TMEM150C: variants seen among roughly 807,000 people sequenced by gnomAD.
TMEM150C encodes the protein tentonin 3.
TMEM150C carries 10 observed loss-of-function variants against 29.9 expected under a neutral mutation model. The observed-to-expected ratio is 0.33, with a 90% confidence interval of 0.21 to 0.57. TMEM150C has a LOEUF of 0.57. TMEM150C is among the 20% of genes least tolerant of loss of function. The pLI is 0.88. For missense variants in TMEM150C, 251 were observed against 303.6 expected (o/e 0.83, Z 1.29); for synonymous variants, 101 against 112.5 (o/e 0.90, Z 0.64).
At chr4:82,544,710 TAGAGG>T (rs1725302857) in intron 1 of TMEM150C, among the ~76,000 whole-genome samples, 1 of 149,562 alleles carries the variant, frequency 6.7e-6, no homozygotes, top group African/African-American at 2.6e-5. Flanking sequence ...GCCAGGCAGG[TAGAGG>T]CTGCAGTGAG....
intron 1 of TMEM150C, among the ~76,000 whole-genome samples, chr4:82,522,090 C>A (rs1560490601): frequency 1.3e-5 from 2 of 152,134 alleles, no homozygotes; most frequent in Non-Finnish European, 2.9e-5. Context: ...TTTGTTTGCT[C>A]TTTGTTTATG....
intron 1 of TMEM150C, among the ~76,000 whole-genome samples, chr4:82,508,717 T>C (rs1423302570): frequency 6.6e-6 from 1 of 152,106 alleles, no homozygotes. Context: ...CAACCTGCCT[T>C]GGCCTCCCAA....
intron 1 of TMEM150C, among the ~76,000 whole-genome samples, chr4:82,514,320 T>G (rs1021867335): frequency 1.3e-5 from 2 of 152,256 alleles, no homozygotes; most frequent in African/African-American, 4.8e-5. Flanking sequence ...GTTTTAATTG[T>G]GTTTTTCTGC....
intron 1 of TMEM150C, among the ~76,000 whole-genome samples, chr4:82,558,610 T>C (rs1725816513): frequency 6.7e-6 from 1 of 149,692 alleles, no homozygotes; most frequent in Non-Finnish European, 1.5e-5. Flanking sequence ...TCTTTCAAAA[T>C]CTAAACATAC....
At chr4:82,529,639 C>A (rs971467802) in intron 1 of TMEM150C, among the ~76,000 whole-genome samples, 3 of 152,142 alleles carry the variant, frequency 2.0e-5, no homozygotes, top group Non-Finnish European at 4.4e-5. Flanking sequence ...TCAAATGCCA[C>A]AGGTGAGGGC....
intron 7 of TMEM150C, among the ~76,000 whole-genome samples, chr4:82,487,083 A>T (rs1266167242): frequency 6.6e-6 from 1 of 152,144 alleles, no homozygotes; most frequent in Non-Finnish European, 1.5e-5. Context: ...CATTCACCTG[A>T]GAACCAAAGA....
chr4:82,529,417 T>A (rs927522686), intron 1 of TMEM150C, among the ~76,000 whole-genome samples: 21 of 152,112 alleles, frequency 1.4e-4, no homozygotes, highest in African/African-American at 5.1e-4. Flanking sequence ...GCCTCCCAAG[T>A]AGCTGGGACC....
At chr4:82,489,982 C>T (rs1723280082) in intron 7 of TMEM150C, 79 bp downstream of exon 7, 1 of 1,383,512 alleles carries the variant, frequency 7.2e-7, no homozygotes, top group Non-Finnish European at 1.0e-6. Context: ...AATATCCTAA[C>T]CCACTGGGTT....
intron 1 of TMEM150C, among the ~76,000 whole-genome samples, chr4:82,556,068 C>T (rs190869764): frequency 6.6e-5 from 10 of 150,950 alleles, no homozygotes; most frequent in African/African-American, 1.9e-4. Context: ...CCTAGGGGTC[C>T]GGGGTCCTGT....
At position 82,561,892 on chromosome 4, in the gene TMEM150C, G is replaced by C. The variant is rs985332228; in HGVS notation, c.-11+14C>G. ...CGCGACGGGCCCAGGCAGGGGAGGG[G>C]GCGCCGCGCCTACCTGCTCTGGTGC... On this transcript the variant is annotated intron_variant, in intron 1 of 7. Coordinates refer to ENST00000449862, the MANE Select transcript of TMEM150C (RefSeq NM_001080506.3). 1.0e-6 allele frequency: 1 copy of C among 992,178 alleles called. No homozygotes were observed. The highest frequency in any genetic ancestry group is 1.7e-5 in the African/African-American group (1 of 57,176). The allele number at this position is 992,178 out of a possible 1,614,324, so 61.5% of individuals were successfully genotyped here. A position where few individuals can be genotyped will look rare whatever the true frequency, so the allele number is the denominator to read the frequency against.
intron 2 of TMEM150C, 145 bp from the exon 3 acceptor site, chr4:82,503,257 A>T (rs532321080): frequency 1.6e-6 from 1 of 643,016 alleles, no homozygotes; most frequent in East Asian, 2.8e-5. Context: ...CCCATAGATC[A>T]TCTAGTTCTT....
rs529406843 is a variant in TMEM150C at position 82,492,238 on chromosome 4, C to G, written c.364-2000G>C. Among the ~76,000 whole-genome samples the G allele has an allele frequency of 1.0e-3, 155 of 152,168 alleles. 1 individual carries two copies. Among genetic ancestry groups the G allele is most frequent in the Non-Finnish European group, 2.8e-4 (19 of 68,026 alleles). On this transcript the variant is annotated intron_variant, in intron 6 of 7. Coordinates refer to ENST00000449862, the MANE Select transcript of TMEM150C (RefSeq NM_001080506.3). Reference sequence around the variant, plus strand: ...CAGACTCCTGAGTTCAAGCGATTCTCATGTCTCAGCCTCCCAAGTAGCTGG... The same window carrying G: ...CAGACTCCTGAGTTCAAGCGATTCTGATGTCTCAGCCTCCCAAGTAGCTGG...
At chr4:82,522,847 C>T (rs895458863) in intron 1 of TMEM150C, among the ~76,000 whole-genome samples, 3 of 152,106 alleles carry the variant, frequency 2.0e-5, no homozygotes, top group South Asian at 2.1e-4. Flanking sequence ...ACCAACCTAA[C>T]GGGATTCTTG....
At chr4:82,559,868 G>A (rs1289784592) in intron 1 of TMEM150C, among the ~76,000 whole-genome samples, 1 of 152,204 alleles carries the variant, frequency 6.6e-6, no homozygotes. Context: ...GGCTGAGATT[G>A]CGGGGTCCAG....
intron 1 of TMEM150C, among the ~76,000 whole-genome samples, chr4:82,540,114 C>CTCTTTTTTTTT: frequency 2.1e-5 from 1 of 47,254 alleles, no homozygotes; most frequent in Non-Finnish European, 5.2e-5. Context: ...TCTACCTATT[C>CTCTTTTTTTTT]TTTTTTTTTT....
At chr4:82,521,476 T>G (rs1206017506) in intron 1 of TMEM150C, among the ~76,000 whole-genome samples, 2 of 152,166 alleles carry the variant, frequency 1.3e-5, no homozygotes, top group Admixed American at 1.3e-4. Flanking sequence ...AACTACAGCA[T>G]GCGGAACAGC....
chr4:82,556,363 T>C (rs1240706799), intron 1 of TMEM150C, among the ~76,000 whole-genome samples: 1 of 152,236 alleles, frequency 6.6e-6, no homozygotes, highest in African/African-American at 2.4e-5. Flanking sequence ...CATCAAACAC[T>C]AGTAACCGTC....
At chr4:82,546,593 C>G (rs1293353234) in intron 1 of TMEM150C, among the ~76,000 whole-genome samples, 1 of 152,094 alleles carries the variant, frequency 6.6e-6, no homozygotes, top group African/African-American at 2.4e-5. Flanking sequence ...CTTTGGGAGG[C>G]CGAGGCGGGC....
chr4:82,508,613 C>T (rs1412112953), intron 1 of TMEM150C, among the ~76,000 whole-genome samples: 1 of 151,928 alleles, frequency 6.6e-6, no homozygotes, highest in East Asian at 1.9e-4. Context: ...TTACAGGCAC[C>T]TGCCACCACA....
Sources: gnomAD v4.1 joint callset for allele counts (sites outside exome capture counted in the v4.1 genomes callset) on GRCh38, gnomAD v4.1.1 for gene constraint, MANE v1.5 for transcripts, NCBI Gene and HGNC (gene_info 2026-07-23, HGNC 2026-07-21) for gene names.